GYPE: variants seen among roughly 807,000 people sequenced by gnomAD.
GYPE encodes glycophorin E (MNS blood group).
GYPE carries 8 observed loss-of-function variants against 11.6 expected under a neutral mutation model. That is an observed-to-expected ratio of 0.69 (90% confidence interval 0.41 to 1.25). The LOEUF is 1.25. Ranked by LOEUF, GYPE falls within the 50% of genes most tolerant of loss-of-function variation. GYPE has a pLI of 0.01. For synonymous variants in GYPE, 28 were observed against 29.6 expected, an observed-to-expected ratio of 0.94 and a Z score of 0.18; for missense variants, 90 against 92.8, an observed-to-expected ratio of 0.97 and a Z score of 0.12.
intron 3 of GYPE, among the ~76,000 whole-genome samples, chr4:143,874,286 TC>T (rs1259570727): frequency 6.6e-6 from 1 of 151,748 alleles, no homozygotes; most frequent in Non-Finnish European, 1.5e-5. Context: ...TCCTGGCATC[TC>T]CCCCATCCCA....
chr4:143,905,346 C>G, intron 1 of GYPE, 125 bp downstream of exon 1: 9 of 1,467,994 alleles, frequency 6.1e-6, no homozygotes, highest in African/African-American at 1.4e-5. Flanking sequence ...ATCCACCAGA[C>G]TGGAAGAGGA....
At chr4:143,878,242 C>A (rs185658825) in intron 2 of GYPE, among the ~76,000 whole-genome samples, 1 of 152,278 alleles carries the variant, frequency 6.6e-6, no homozygotes, top group East Asian at 1.9e-4. Context: ...CGATCCGATC[C>A]TCCCACCTCA....
chr4:143,897,920 T>G (rs535631855), intron 1 of GYPE, among the ~76,000 whole-genome samples: 82 of 152,226 alleles, frequency 5.4e-4, no homozygotes, highest in African/African-American at 1.7e-3. Context: ...AAAGGATAAG[T>G]GCAAATAAAA....
chr4:143,879,957 G>A (rs1231004796), intron 2 of GYPE, among the ~76,000 whole-genome samples: 2 of 152,030 alleles, frequency 1.3e-5, no homozygotes, highest in Admixed American at 1.3e-4. Flanking sequence ...TTCTTATTTA[G>A]CCTTTAGAGA....
chr4:143,890,504 A>G (rs1384858394), intron 1 of GYPE, among the ~76,000 whole-genome samples: 1 of 152,240 alleles, frequency 6.6e-6, no homozygotes, highest in African/African-American at 2.4e-5. Flanking sequence ...TGAACAATAC[A>G]AAATTGCAGA....
intron 1 of GYPE, among the ~76,000 whole-genome samples, chr4:143,901,883 C>T (rs1219177874): frequency 1.3e-5 from 2 of 151,956 alleles, no homozygotes; most frequent in Non-Finnish European, 2.9e-5. Context: ...TCTATTCAGA[C>T]CTTTTCTGCA....
At chr4:143,905,138 A>G (rs1311943126) in intron 1 of GYPE, among the ~76,000 whole-genome samples, 1 of 152,164 alleles carries the variant, frequency 6.6e-6, no homozygotes, top group Admixed American at 6.6e-5. Flanking sequence ...TTGGAAATGA[A>G]TCTCCTTATA....
At chr4:143,872,484 G>T (rs1218603140) in intron 3 of GYPE, among the ~76,000 whole-genome samples, 2 of 151,912 alleles carry the variant, frequency 1.3e-5, no homozygotes, top group African/African-American at 4.8e-5. Flanking sequence ...AAATAAAGAG[G>T]CTAGTCCTGG....
chr4:143,874,714 T>G (rs997918350), intron 3 of GYPE, among the ~76,000 whole-genome samples: 3 of 152,200 alleles, frequency 2.0e-5, no homozygotes, highest in African/African-American at 4.8e-5. Context: ...CCCCAGGTCC[T>G]TTAGTTCAAC....
chr4:143,879,016 G>T (rs1743919013), intron 2 of GYPE, among the ~76,000 whole-genome samples: 1 of 152,158 alleles, frequency 6.6e-6, no homozygotes, highest in African/African-American at 2.4e-5. Context: ...AAAATAATGA[G>T]AAGAAAGGAG....
At chr4:143,885,314 TGTTTTA>T in intron 1 of GYPE, among the ~76,000 whole-genome samples, 1 of 152,206 alleles carries the variant, frequency 6.6e-6, no homozygotes, top group Non-Finnish European at 1.5e-5. Context: ...TATATGTAAC[TGTTTTA>T]TAAAAATGAA....
chr4:143,876,297 A>G (rs1416003820), intron 3 of GYPE, among the ~76,000 whole-genome samples: 3 of 152,052 alleles, frequency 2.0e-5, no homozygotes, highest in African/African-American at 7.2e-5. Context: ...TATTTTTTGT[A>G]TAGACTAGGT....
intron 2 of GYPE, among the ~76,000 whole-genome samples, chr4:143,879,354 A>G (rs1384827802): frequency 1.3e-5 from 2 of 152,196 alleles, no homozygotes; most frequent in Non-Finnish European, 2.9e-5. Flanking sequence ...ATTACTTAGT[A>G]TATACTACGT....
At chr4:143,880,673 T>C (rs182828232) in intron 1 of GYPE, among the ~76,000 whole-genome samples, 164 bp from the exon 2 acceptor site, 8 of 152,238 alleles carry the variant, frequency 5.3e-5, no homozygotes. Flanking sequence ...TGGTAAGTAT[T>C]GTATTATTGG....
chr4:143,902,831 AT>A (rs1310147665), intron 1 of GYPE, among the ~76,000 whole-genome samples: 3 of 152,124 alleles, frequency 2.0e-5, no homozygotes, highest in Non-Finnish European at 2.9e-5. Flanking sequence ...TTTTGTATGA[AT>A]TTTTAAGTAA....
chr4:143,890,602 G>A (rs1005101646), intron 1 of GYPE, among the ~76,000 whole-genome samples: 12 of 152,148 alleles, frequency 7.9e-5, no homozygotes, highest in African/African-American at 2.7e-4. Context: ...GGCCAGCGGC[G>A]AAAACAACTG....
In GYPE at chr4:143,876,810, T is replaced by C. The variant is rs765552036; in HGVS notation, c.182A>G (p.Glu61Gly). The change falls in exon 3 of 4, where the codon GAG (glutamate) becomes GGG (glycine). Residue 61 changes from glutamate to glycine, a missense_variant. Glu to Gly is a moderately conservative substitution (Grantham distance 98). Transcript: ENST00000358615. ...NWWAMARVIF[E>G]VMLVVVGMII... ...CATTCCAACAACAACAAGCATCACC[T>C]CAAAAATAACACGAGCCATCGCCCA... 18 of 1,611,304 alleles carry C rather than the reference T, an allele frequency of 1.1e-5. No homozygotes were observed. Among genetic ancestry groups the C allele is most frequent in the Non-Finnish European group, 1.5e-5 (18 of 1,178,238 alleles).
rs901833779 is a variant in GYPE, at chr4:143,873,589, C to A, written c.*10-1337G>T. On this transcript the variant is annotated intron_variant, in intron 3 of 3. Transcript: ENST00000358615. ...ATGCTCTGATAGCATTTGACAAGACCATCTGGAAGAGACCCAGATAGAGAC... is the reference window on the plus strand; with the variant it reads ...ATGCTCTGATAGCATTTGACAAGACAATCTGGAAGAGACCCAGATAGAGAC... 2.9e-5 allele frequency: 11 copies of A among 385,880 alleles called. No individual in the cohort carries two copies. The Admixed American group carries it at 3.0e-4, about 11-fold the overall frequency. The allele number at this position is 385,880 out of a possible 1,614,324, so 23.9% of individuals were successfully genotyped here.
intron 2 of GYPE, among the ~76,000 whole-genome samples, chr4:143,877,946 A>AT (rs1177147710): frequency 1.4e-5 from 2 of 147,424 alleles, no homozygotes; most frequent in African/African-American, 5.0e-5. Context: ...GTACCAGTTA[A>AT]TTAGATGATT....
Sources: gnomAD v4.1 joint callset for allele counts (sites outside exome capture counted in the v4.1 genomes callset) on GRCh38, gnomAD v4.1.1 for gene constraint, MANE v1.5 for transcripts, NCBI Gene and HGNC (gene_info 2026-07-23, HGNC 2026-07-21) for gene names.